The following SPAG17 variants were observed in gnomAD, a reference collection of about 807,000 sequenced individuals.
SPAG17 encodes the protein sperm associated antigen 17, also known as sperm-associated antigen 17.
In SPAG17, 169 loss-of-function variants were observed where a neutral mutation model predicts 273.6. The observed-to-expected ratio is 0.62, with a 90% CI of 0.55 to 0.70. The LOEUF is 0.70. SPAG17 is among the 30% of genes least tolerant of loss of function. SPAG17 has a pLI of 0.00. For missense variants in SPAG17, 2,557 were observed against 2,627.8 expected, an observed-to-expected ratio of 0.97 and a Z score of 0.59; for synonymous variants, 825 against 873.2, an observed-to-expected ratio of 0.94 and a Z score of 0.97.
At chr1:117,981,521 G>A in intron 42 of SPAG17, 120 bp from the exon 43 acceptor site, 1 of 1,001,278 alleles carries the variant, frequency 1.0e-6, no homozygotes, top group Non-Finnish European at 1.4e-6. Flanking sequence ...TACCTTTTCT[G>A]CCACTCTCTT....
At chr1:117,970,282 T>TG (rs1491185489) in intron 45 of SPAG17, among the ~76,000 whole-genome samples, 166 bp from the exon 46 acceptor site, 2 of 152,232 alleles carry the variant, frequency 1.3e-5, no homozygotes, top group Non-Finnish European at 2.9e-5. Context: ...GAGAAGAATC[T>TG]GGGGCCCATT....
At position 118,085,851 on chromosome 1, in the gene SPAG17, G is replaced by T. The variant is rs1190630027; in HGVS notation, c.1762+71C>A. 8 of 1,402,988 alleles carry T rather than the reference G, an allele frequency of 5.7e-6. No homozygotes were observed. In the East Asian group the frequency reaches 1.5e-4, roughly 26 times the overall value. The allele number at this position is 1,402,988 out of a possible 1,614,324, so 86.9% of individuals were successfully genotyped here. On this transcript the variant is annotated intron_variant, in intron 13 of 48. Transcript: ENST00000336338. ...ATGAAAATACTTTTTGTAAATAAGG[G>T]TGTAATTTTAAGAGGCATATATGAC...
At chr1:118,065,583 G>A (rs369241525) in intron 18 of SPAG17, among the ~76,000 whole-genome samples, 4 of 151,950 alleles carry the variant, frequency 2.6e-5, no homozygotes, top group African/African-American at 9.7e-5. Flanking sequence ...AAGCAAATGT[G>A]GCAATTATAA....
chr1:118,063,790 G>C (rs2102044445), intron 18 of SPAG17, among the ~76,000 whole-genome samples: 1 of 152,246 alleles, frequency 6.6e-6, no homozygotes, highest in East Asian at 1.9e-4. Context: ...CCATCAGAGT[G>C]AACAGGCAAC....
intron 25 of SPAG17, among the ~76,000 whole-genome samples, chr1:118,030,602 C>CCCTGA (rs1367372258): frequency 6.6e-6 from 1 of 152,024 alleles, no homozygotes; most frequent in East Asian, 1.9e-4. Context: ...GCCCTTGACC[C>CCCTGA]CCTGACAGGC....
In SPAG17 at chr1:118,091,962, G is replaced by A. The variant is rs1655405131; in HGVS notation, c.1214C>T (p.Ala405Val). ...PAVPAPGKKK[A>V]QYEEPQAPPP... Reference sequence around the variant, plus strand: ...TGGAGCTTGCGGTTCTTCATACTGTGCTTTCTTCTTTCCAGGAGCTGGTAC... The same window carrying A: ...TGGAGCTTGCGGTTCTTCATACTGTACTTTCTTCTTTCCAGGAGCTGGTAC... Residue 405 changes from alanine (A) to valine (V), a missense_variant, in exon 9 of 49, where the codon GCA becomes GTA. Ala to Val is a moderately conservative substitution (Grantham distance 64, BLOSUM62 0). Coordinates refer to ENST00000336338, the MANE Select transcript of SPAG17 (RefSeq NM_206996.4). The A allele has an allele frequency of 1.9e-6, 3 of 1,613,596 alleles. No homozygotes were observed. The highest frequency in any genetic ancestry group is 2.5e-6 in the Non-Finnish European group (3 of 1,179,638).
chr1:118,167,453 C>G lies in SPAG17; in HGVS notation c.88-16084G>C, dbSNP rs190281915. ...ATCTCCTGAAATTTAGAATATTTAC[C>G]TATTTATGATACTTAAAGAAACATT... is the stretch of plus-strand genomic sequence containing the variant. On this transcript the variant is annotated intron_variant, in intron 1 of 48. Transcript: ENST00000336338. Among the ~76,000 whole-genome samples the G allele has an allele frequency of 6.5e-3, 982 of 152,024 alleles. 6 individuals are homozygous for G. The highest frequency in any genetic ancestry group is 8.9e-3 in the Non-Finnish European group (604 of 67,962).
In SPAG17 at chr1:118,028,353, C is replaced by T. The variant is rs1489673285; in HGVS notation, c.3651G>A (p.Leu1217=). ...VEPEPVLQET[L]DVPTFQSLNV... ...TTAGGCTCTGGAAGGTGGGAACATCCAAAGTCTCTTGTAAAACAGGTTCTG... is the reference window on the plus strand; with the variant it reads ...TTAGGCTCTGGAAGGTGGGAACATCTAAAGTCTCTTGTAAAACAGGTTCTG... Residue 1217 remains leucine, a synonymous_variant, in exon 26 of 49, where the codon TTG becomes TTA. Coordinates refer to ENST00000336338, the MANE Select transcript of SPAG17 (RefSeq NM_206996.4). 1 of 1,613,844 alleles carries T rather than the reference C, an allele frequency of 6.2e-7. No homozygotes were observed. The highest frequency in any genetic ancestry group is 1.7e-5 in the Admixed American group (1 of 60,000).
intron 4 of SPAG17, among the ~76,000 whole-genome samples, chr1:118,104,286 G>C (rs559863615): frequency 2.2e-4 from 33 of 152,342 alleles, no homozygotes; most frequent in African/African-American, 7.2e-4. Context: ...TTAAGATAGT[G>C]CTGTGGATTT....
chr1:118,081,739 G>C lies in SPAG17; in HGVS notation c.1763-97C>G, dbSNP rs997367017. ...AACCAGGGAGTCTGTCTACCAGAAA[G>C]ACAAGAGAGTCACGCCACAATGGCT... On this transcript the variant is annotated intron_variant, in intron 13 of 48. Transcript: ENST00000336338. 9 of 996,444 alleles carry C rather than the reference G, an allele frequency of 9.0e-6. No homozygotes were observed. The Admixed American group carries it at 1.3e-4, about 14-fold the overall frequency. The allele number at this position is 996,444 out of a possible 1,614,324, so 61.7% of individuals were successfully genotyped here. A position where few individuals can be genotyped will look rare whatever the true frequency, so the allele number is the denominator to read the frequency against.
chr1:118,134,756 C>A (rs887161511), intron 3 of SPAG17, among the ~76,000 whole-genome samples: 2 of 152,178 alleles, frequency 1.3e-5, no homozygotes, highest in Non-Finnish European at 2.9e-5. Flanking sequence ...TTCCAATTTC[C>A]CTCCTTATAC....
rs754448740 is a variant in SPAG17, at chr1:118,028,374, T to C, written c.3630A>G (p.Glu1210=). The change falls in exon 26 of 49, where the codon GAA becomes GAG. Residue 1210 remains glutamate, a synonymous_variant. Coordinates refer to ENST00000336338, the MANE Select transcript of SPAG17 (RefSeq NM_206996.4). ...EEKKEEEVEP[E]PVLQETLDVP... ...CATCCAAAGTCTCTTGTAAAACAGGTTCTGGTTCTACTTCTTCTTCCTGTA... is the reference window on the plus strand; with the variant it reads ...CATCCAAAGTCTCTTGTAAAACAGGCTCTGGTTCTACTTCTTCTTCCTGTA... 1.2e-6 allele frequency: 2 copies of C among 1,613,702 alleles called. No individual in the cohort carries two copies. The highest frequency in any genetic ancestry group is 2.2e-5 in the South Asian group (2 of 91,028).
At chr1:118,086,206 GAC>G in intron 12 of SPAG17, 134 bp from the exon 13 acceptor site, 2 of 878,892 alleles carry the variant, frequency 2.3e-6, no homozygotes, top group Middle Eastern at 6.9e-4. Flanking sequence ...AATTGGGAAA[GAC>G]AAACTTTTGG....
At chr1:118,110,173 C>G (rs968536987) in intron 4 of SPAG17, among the ~76,000 whole-genome samples, 8 of 152,026 alleles carry the variant, frequency 5.3e-5, no homozygotes, top group African/African-American at 1.9e-4. Context: ...ATTGAAATAA[C>G]TTAAATGCTC....
At chr1:118,128,722 G>A (rs1657881949) in intron 3 of SPAG17, among the ~76,000 whole-genome samples, 3 of 152,206 alleles carry the variant, frequency 2.0e-5, no homozygotes, top group African/African-American at 7.2e-5. Flanking sequence ...CACTAGATGT[G>A]TTAATTTAGC....
rs1651375090 is a variant in SPAG17 at position 118,054,053 on chromosome 1, T to C, written c.2763A>G (p.Glu921=). The C allele has an allele frequency of 2.5e-6, 4 of 1,608,508 alleles. No individual in the cohort carries two copies. The highest frequency in any genetic ancestry group is 3.4e-6 in the Non-Finnish European group (4 of 1,177,398). Residue 921 remains glutamate, a synonymous_variant, in exon 20 of 49, where the codon GAA becomes GAG. Coordinates refer to ENST00000336338, the MANE Select transcript of SPAG17 (RefSeq NM_206996.4). ...GAATCTTTTCCTTCTCTTTTTCTTT[T>C]TCTTGATCTGATATCTCTGTTTTGC... ...GISKTEISDQ[E]KEKEKEKIPF... is the part of the protein sequence containing the mutation.
At chr1:118,108,587 T>C (rs953936617) in intron 4 of SPAG17, among the ~76,000 whole-genome samples, 2 of 152,208 alleles carry the variant, frequency 1.3e-5, no homozygotes, top group Non-Finnish European at 2.9e-5. Context: ...GAGGGAACTC[T>C]TGTCAATTCA....
intron 20 of SPAG17, among the ~76,000 whole-genome samples, chr1:118,053,440 C>G (rs988204457): frequency 6.6e-6 from 1 of 151,908 alleles, no homozygotes; most frequent in Admixed American, 6.6e-5. Context: ...AAACAGAACA[C>G]AACATTCAAA....
chr1:118,070,626 A>G (rs1653479426), intron 17 of SPAG17, among the ~76,000 whole-genome samples: 1 of 152,340 alleles, frequency 6.6e-6, no homozygotes, highest in African/African-American at 2.4e-5. Context: ...AATGTGAGCC[A>G]CATGTGCAAT....
Sources: allele counts gnomAD v4.1 joint callset (sites outside exome capture counted in the v4.1 genomes callset), GRCh38; gene constraint gnomAD v4.1.1; transcripts MANE v1.5; gene names NCBI Gene and HGNC (gene_info 2026-07-23, HGNC 2026-07-21).